The following ANKRD6 variants were observed in gnomAD, a reference collection of about 807,000 sequenced individuals.
The protein encoded by ANKRD6 is ankyrin repeat domain-containing protein 6.
In ANKRD6, 56 loss-of-function variants were observed where a neutral mutation model predicts 82.3. That is an observed-to-expected ratio of 0.68 (90% confidence interval 0.55 to 0.85). The LOEUF is 0.85. ANKRD6 is among the 40% of genes least tolerant of loss of function. ANKRD6 has a pLI of 0.00. For missense variants in ANKRD6, 852 were observed against 907.6 expected, an observed-to-expected ratio of 0.94 and a Z score of 0.79; for synonymous variants, 347 against 352.1, an observed-to-expected ratio of 0.99 and a Z score of 0.16.
intron 1 of ANKRD6, among the ~76,000 whole-genome samples, chr6:89,506,111 G>A (rs1297935433): frequency 2.0e-5 from 3 of 152,150 alleles, no homozygotes; most frequent in African/African-American, 7.2e-5. Context: ...TCAGTTATAA[G>A]ATGAATAAGT....
At chr6:89,603,246 C>T in intron 4 of ANKRD6, 119 bp downstream of exon 4, 1 of 751,896 alleles carries the variant, frequency 1.3e-6, no homozygotes, top group Non-Finnish European at 2.2e-6. Flanking sequence ...TCCTGTCTTA[C>T]CACTTATGAT....
chr6:89,613,137 T>A (rs960748207), intron 6 of ANKRD6, among the ~76,000 whole-genome samples: 4 of 152,198 alleles, frequency 2.6e-5, no homozygotes, highest in African/African-American at 9.7e-5. Flanking sequence ...TTCTTTATTG[T>A]CTTTGTGGGA....
intron 1 of ANKRD6, among the ~76,000 whole-genome samples, chr6:89,477,916 G>A (rs1209997251): frequency 6.6e-6 from 1 of 151,698 alleles, no homozygotes; most frequent in Admixed American, 6.6e-5. Flanking sequence ...GATAAAGTAG[G>A]CATTTCTGTA....
chr6:89,567,373 T>A (rs1307640482), intron 2 of ANKRD6, among the ~76,000 whole-genome samples: 1 of 152,218 alleles, frequency 6.6e-6, no homozygotes, highest in Non-Finnish European at 1.5e-5. Flanking sequence ...TGGGAGAAGT[T>A]GGGACACAAA....
At position 89,623,452 on chromosome 6, in the gene ANKRD6, G is replaced by A. The variant is rs1243724064; in HGVS notation, c.940G>A (p.Val314Met). The change falls in exon 11 of 16, where the codon GTG (valine) becomes ATG (methionine). Residue 314 changes from valine to methionine, a missense_variant. Val to Met is a conservative substitution (Grantham distance 21). Coordinates refer to ENST00000339746, the MANE Select transcript of ANKRD6 (RefSeq NM_001242809.2). ...AGDTPSSEQAVARKEEAREEF... is the reference protein window; with the variant it reads ...AGDTPSSEQAMARKEEAREEF... ...AGACACCCCCAGCAGTGAACAGGCT[G>A]TGGCCAGAAAAGAAGAAGCCAGAGA... The A allele has an allele frequency of 6.2e-7, 1 of 1,611,040 alleles. No individual in the cohort carries two copies. Among genetic ancestry groups the A allele is most frequent in the Admixed American group, 1.7e-5 (1 of 59,590 alleles).
chr6:89,447,309 A>G (rs1164394431), intron 1 of ANKRD6, among the ~76,000 whole-genome samples: 1 of 152,174 alleles, frequency 6.6e-6, no homozygotes, highest in East Asian at 1.9e-4. Flanking sequence ...AGAAAGTGAA[A>G]CAGCCTTATT....
At chr6:89,481,342 A>G (rs776403667) in intron 1 of ANKRD6, among the ~76,000 whole-genome samples, 6 of 152,220 alleles carry the variant, frequency 3.9e-5, no homozygotes, top group Non-Finnish European at 8.8e-5. Flanking sequence ...TCCAAAATCC[A>G]GAAATTTTTG....
chr6:89,451,444 G>T (rs964971912), intron 1 of ANKRD6, among the ~76,000 whole-genome samples: 9 of 152,092 alleles, frequency 5.9e-5, no homozygotes, highest in African/African-American at 1.9e-4. Context: ...TATTAAAATG[G>T]TAGCTCTGTA....
rs772112895 is a variant in ANKRD6, at chr6:89,629,237, A to C, written c.1611A>C (p.Thr537=). The change falls in exon 15 of 16, where the codon ACA becomes ACC. Residue 537 remains threonine (T), a splice_region_variant and synonymous_variant. Coordinates refer to ENST00000339746, the MANE Select transcript of ANKRD6 (RefSeq NM_001242809.2). ...KSTPSTCESS[T]GVDQLVVTAG... ...CACCATCTACTTGTGAGTCCTCTAC[A>C]GGTAACCCACACACAGAGAGCCCTT... 19 of 1,613,754 alleles carry C rather than the reference A, an allele frequency of 1.2e-5. No homozygotes were observed. The highest frequency in any genetic ancestry group is 1.4e-5 in the Non-Finnish European group (17 of 1,179,860).
intron 2 of ANKRD6, among the ~76,000 whole-genome samples, chr6:89,583,959 T>C (rs891287247): frequency 6.6e-6 from 1 of 152,220 alleles, no homozygotes; most frequent in African/African-American, 2.4e-5. Flanking sequence ...GCCACCACCG[T>C]GATTTGTCCA....
chr6:89,439,974 G>C (rs992758698), intron 1 of ANKRD6, among the ~76,000 whole-genome samples: 3 of 152,144 alleles, frequency 2.0e-5, no homozygotes, highest in African/African-American at 7.2e-5. Flanking sequence ...TGGGATTACA[G>C]GCCTAAGCCA....
intron 2 of ANKRD6, among the ~76,000 whole-genome samples, chr6:89,575,753 G>A (rs1347883104): frequency 3.3e-5 from 5 of 152,156 alleles, no homozygotes; most frequent in African/African-American, 9.6e-5. Context: ...AAAGTGACTT[G>A]TTCAAATAGG....
At chr6:89,571,405 T>C (rs1418425921) in intron 2 of ANKRD6, among the ~76,000 whole-genome samples, 4 of 152,202 alleles carry the variant, frequency 2.6e-5, no homozygotes, top group Admixed American at 1.3e-4. Context: ...ATTAGTGATA[T>C]TAAATGTCTT....
At chr6:89,482,314 G>T (rs1018493261) in intron 1 of ANKRD6, among the ~76,000 whole-genome samples, 11 of 152,182 alleles carry the variant, frequency 7.2e-5, no homozygotes, top group African/African-American at 2.7e-4. Flanking sequence ...ATAAATGGCC[G>T]TAGATCTGCA....
At chr6:89,625,715 C>T (rs1468504633) in intron 13 of ANKRD6, among the ~76,000 whole-genome samples, 3 of 149,092 alleles carry the variant, frequency 2.0e-5, no homozygotes, top group Non-Finnish European at 3.0e-5. Flanking sequence ...TCTCGGTTTT[C>T]GTAAAATAGT....
chr6:89,466,548 A>T (rs553369273), intron 1 of ANKRD6, among the ~76,000 whole-genome samples: 6 of 152,320 alleles, frequency 3.9e-5, no homozygotes, highest in African/African-American at 1.4e-4. Context: ...TTCTTTGATT[A>T]TAAAGAAGGC....
At chr6:89,545,394 G>T (rs1033532280) in intron 1 of ANKRD6, among the ~76,000 whole-genome samples, 1 of 152,202 alleles carries the variant, frequency 6.6e-6, no homozygotes, top group South Asian at 2.1e-4. Context: ...TTCCTGTAGC[G>T]GTAGTCCCAC....
At chr6:89,601,146 C>G (rs1429460473) in intron 3 of ANKRD6, among the ~76,000 whole-genome samples, 3 of 152,166 alleles carry the variant, frequency 2.0e-5, no homozygotes, top group Admixed American at 2.0e-4. Context: ...AATGGCACAG[C>G]CTACCTCCTG....
chr6:89,612,926 A>G (rs750851657), intron 6 of ANKRD6, among the ~76,000 whole-genome samples: 1 of 152,228 alleles, frequency 6.6e-6, no homozygotes, highest in Admixed American at 6.5e-5. Context: ...ATAAATAAAT[A>G]AATCTGAGGC....
Sources: gnomAD v4.1 joint callset for allele counts (sites outside exome capture counted in the v4.1 genomes callset) on GRCh38, gnomAD v4.1.1 for gene constraint, MANE v1.5 for transcripts, NCBI Gene and HGNC (gene_info 2026-07-23, HGNC 2026-07-21) for gene names.